The following ERP44 variants were observed in gnomAD, a reference collection of about 807,000 sequenced individuals.
The protein encoded by ERP44 is endoplasmic reticulum resident protein 44.
ERP44 carries 25 observed loss-of-function variants against 53.4 expected under a neutral mutation model. The observed-to-expected ratio is 0.47, with a 90% CI of 0.34 to 0.65. The LOEUF is 0.65. ERP44 is among the 30% of genes least tolerant of loss of function. The pLI is 0.01. For missense variants in ERP44, 338 were observed against 493.2 expected (o/e 0.69, Z 2.98); for synonymous variants, 145 against 161.2 (o/e 0.90, Z 0.76).
chr9:100,096,489 G>C (rs1826631227), intron 1 of ERP44, among the ~76,000 whole-genome samples: 1 of 151,990 alleles, frequency 6.6e-6, no homozygotes, highest in African/African-American at 2.4e-5. Context: ...ATCCAGAAAG[G>C]CTTTGTGGCA....
At chr9:100,090,393 C>G (rs766542631) in intron 1 of ERP44, among the ~76,000 whole-genome samples, 2 of 152,124 alleles carry the variant, frequency 1.3e-5, no homozygotes, top group Non-Finnish European at 2.9e-5. Context: ...AGATAGACTT[C>G]AATGATGTGT....
At chr9:100,047,522 A>C (rs1442564219) in intron 4 of ERP44, among the ~76,000 whole-genome samples, 1 of 152,174 alleles carries the variant, frequency 6.6e-6, no homozygotes, top group South Asian at 2.1e-4. Context: ...GCAAAATAAT[A>C]AAGTTGGGCC....
chr9:100,008,348 T>C (rs1299166165), intron 8 of ERP44, among the ~76,000 whole-genome samples: 10 of 152,308 alleles, frequency 6.6e-5, no homozygotes, highest in Admixed American at 3.3e-4. Context: ...GAAAAGCACC[T>C]TGAAAATTAT....
At chr9:100,087,949 C>T (rs1826504655) in intron 1 of ERP44, among the ~76,000 whole-genome samples, 1 of 151,982 alleles carries the variant, frequency 6.6e-6, no homozygotes. Flanking sequence ...TTATCACTTT[C>T]GGGAATCAAA....
intron 1 of ERP44, among the ~76,000 whole-genome samples, chr9:100,071,610 C>T (rs1424213298): frequency 6.6e-6 from 1 of 152,126 alleles, no homozygotes; most frequent in Non-Finnish European, 1.5e-5. Flanking sequence ...TATTAATCCA[C>T]TACTGACTTT....
At chr9:99,989,944 T>G (rs774338375) in intron 10 of ERP44, among the ~76,000 whole-genome samples, 1 of 152,024 alleles carries the variant, frequency 6.6e-6, no homozygotes, top group African/African-American at 2.4e-5. Context: ...ATCAAATGAA[T>G]GAAATAAAGT....
At chr9:100,026,240 T>C (rs1251853403) in intron 4 of ERP44, among the ~76,000 whole-genome samples, 1 of 152,210 alleles carries the variant, frequency 6.6e-6, no homozygotes, top group East Asian at 1.9e-4. Flanking sequence ...AAAAATCTCC[T>C]ATGGCCTCCT....
chr9:100,014,885 G>A (rs1830513110), intron 8 of ERP44, among the ~76,000 whole-genome samples: 1 of 152,216 alleles, frequency 6.6e-6, no homozygotes, highest in Non-Finnish European at 1.5e-5. Context: ...CAAATTAACA[G>A]AAATTCATTT....
chr9:100,037,425 C>T (rs570416697), intron 4 of ERP44, among the ~76,000 whole-genome samples: 3 of 152,152 alleles, frequency 2.0e-5, no homozygotes, highest in African/African-American at 7.2e-5. Flanking sequence ...AGAACTGCAA[C>T]TTCTTGGCAA....
chr9:100,055,317 T>C (rs369062804), intron 3 of ERP44, among the ~76,000 whole-genome samples: 13 of 152,312 alleles, frequency 8.5e-5, no homozygotes, highest in African/African-American at 2.9e-4. Flanking sequence ...GTAACAAAAA[T>C]GATGAATCCT....
intron 4 of ERP44, among the ~76,000 whole-genome samples, chr9:100,040,064 G>A (rs919446279): frequency 2.6e-5 from 4 of 152,054 alleles, no homozygotes; most frequent in Non-Finnish European, 4.4e-5. Flanking sequence ...AGGACCTGAT[G>A]GTTTCACTGC....
chr9:99,998,936 C>T lies in ERP44; in HGVS notation c.1016+7570G>A. On this transcript the variant is annotated intron_variant, in intron 10 of 11. Coordinates refer to ENST00000262455, the MANE Select transcript of ERP44 (RefSeq NM_015051.3). ...GGTTGGCACTGGTCTTCTCTTCCTC[C>T]ACACAGTAGGTTTCTAAAAAGTTTT... 3.1e-6 allele frequency: 5 copies of T among 1,594,240 alleles called. No individual in the cohort carries two copies. In the South Asian group the frequency reaches 4.4e-5, roughly 14 times the overall value.
intron 1 of ERP44, among the ~76,000 whole-genome samples, chr9:100,065,600 T>C (rs940533314): frequency 3.3e-5 from 5 of 152,196 alleles, no homozygotes; most frequent in Non-Finnish European, 7.3e-5. Context: ...ATACACAATT[T>C]TTGTCAATTA....
At chr9:100,000,941 G>C (rs1016549437) in intron 10 of ERP44, among the ~76,000 whole-genome samples, 2 of 151,920 alleles carry the variant, frequency 1.3e-5, no homozygotes, top group Admixed American at 6.6e-5. Context: ...GTAATGTTAG[G>C]TTGAGATCTT....
Position 99,982,443 on chromosome 9 carries a change from T to A in ERP44, c.*169A>T. The A allele has an allele frequency of 3.1e-6, 1 of 325,436 alleles. No homozygotes were observed. Among genetic ancestry groups the A allele is most frequent in the Non-Finnish European group, 5.5e-6 (1 of 181,614 alleles). 20.2% of individuals were successfully genotyped at this position (325,436 alleles called of 1,614,324 possible). ...TTTTTTTTTTTAAGAGGCTACTATATTAAATGACAATGCATTTTGAGTCGG... is the reference window on the plus strand; with the variant it reads ...TTTTTTTTTTTAAGAGGCTACTATAATAAATGACAATGCATTTTGAGTCGG... On this transcript the variant is annotated 3_prime_UTR_variant, in exon 12 of 12. Coordinates refer to ENST00000262455, the MANE Select transcript of ERP44 (RefSeq NM_015051.3).
At chr9:100,096,794 G>A (rs1826637225) in intron 1 of ERP44, among the ~76,000 whole-genome samples, 1 of 152,104 alleles carries the variant, frequency 6.6e-6, no homozygotes, top group African/African-American at 2.4e-5. Flanking sequence ...GAGAAAGTTG[G>A]AAGAGTAGGA....
rs536516791 is a variant in ERP44 at position 100,051,601 on chromosome 9, G to GA, written c.286+815dup. On this transcript the variant is annotated intron_variant, in intron 4 of 11. Transcript: ENST00000262455. ...TAAAAGTGAGCATTAAAAAAAGAAA[G>GA]AAAAAAAAATTCCTGCCTTAATGAA... Among the ~76,000 whole-genome samples, 14 of 151,096 alleles carry GA rather than the reference G, an allele frequency of 9.3e-5. No individual in the cohort carries two copies. In the South Asian group the frequency reaches 1.5e-3, roughly 16 times the overall value.
At position 100,011,628 on chromosome 9, in the gene ERP44, A is replaced by G. The variant is rs73656928; in HGVS notation, c.763-3939T>C. On this transcript the variant is annotated intron_variant, in intron 8 of 11. Coordinates refer to ENST00000262455, the MANE Select transcript of ERP44 (RefSeq NM_015051.3). ...ATAATTAAAGATAGAAAGACACCCA[A>G]TCTGAGCATATTTATTCAAACCATC... is the stretch of plus-strand genomic sequence containing the variant. Among the ~76,000 whole-genome samples, 1,002 of 152,306 alleles carry G rather than the reference A, an allele frequency of 6.6e-3. 9 individuals carry two copies. The highest frequency in any genetic ancestry group is 0.023 in the African/African-American group (963 of 41,564).
intron 1 of ERP44, among the ~76,000 whole-genome samples, chr9:100,080,756 G>T (rs1198077529): frequency 6.6e-6 from 1 of 152,110 alleles, no homozygotes; most frequent in African/African-American, 2.4e-5. Context: ...GATAAAGATG[G>T]AAGGTTAGGT....
Sources: gnomAD v4.1 joint callset for allele counts (sites outside exome capture counted in the v4.1 genomes callset) on GRCh38, gnomAD v4.1.1 for gene constraint, MANE v1.5 for transcripts, NCBI Gene and HGNC (gene_info 2026-07-23, HGNC 2026-07-21) for gene names.